Variants in NR4A1 observed in about 807,000 individuals in gnomAD.
NR4A1 encodes nuclear receptor subfamily 4immunitygroup A member 1.
A neutral mutation model predicts 47.5 loss-of-function variants in NR4A1; 24 were observed. The ratio of observed to expected loss-of-function variants is 0.50; its 90% CI spans 0.37 to 0.71. The LOEUF is 0.71. Ranked by LOEUF, NR4A1 falls within the 30% of genes least tolerant of loss-of-function variation. The pLI is 0.00. For synonymous variants in NR4A1, 353 were observed against 345.7 expected (o/e 1.02, Z -0.24); for missense variants, 669 against 788.6 (o/e 0.85, Z 1.82).
intron 1 of NR4A1, among the ~76,000 whole-genome samples, chr12:52,035,217 G>A (rs1182162101): frequency 6.6e-6 from 1 of 152,128 alleles, no homozygotes; most frequent in Non-Finnish European, 1.5e-5. Context: ...ATCTCACGCC[G>A]CCTCCACATG....
upstream of NR4A1, among the ~76,000 whole-genome samples, chr12:52,050,606 G>A (rs1938872957): frequency 6.6e-6 from 1 of 152,242 alleles, no homozygotes; most frequent in Non-Finnish European, 1.5e-5. Context: ...GCGAAACCAA[G>A]TTCAGCTTGT....
upstream of NR4A1, chr12:52,051,307 C>T (rs923465511): frequency 4.3e-6 from 3 of 699,416 alleles, no homozygotes; most frequent in Middle Eastern, 6.9e-4. Flanking sequence ...TCCCCCTGGC[C>T]GCCTCCCGCC....
chr12:52,049,674 A>G (rs188184452), upstream of NR4A1, among the ~76,000 whole-genome samples: 298 of 152,330 alleles, frequency 2.0e-3, 1 homozygote, highest in African/African-American at 6.4e-3. Context: ...AAAACAAAAC[A>G]AAAACGGGGA....
intron 1 of NR4A1, among the ~76,000 whole-genome samples, chr12:52,032,188 G>A (rs894386762): frequency 1.3e-5 from 2 of 152,200 alleles, no homozygotes; most frequent in African/African-American, 4.8e-5. Context: ...TTCTGGAAGA[G>A]ATTAGTATTT....
At chr12:52,052,650 G>T in intron 1 of NR4A1, 1 of 985,508 alleles carries the variant, frequency 1.0e-6, no homozygotes, top group Non-Finnish European at 1.2e-6. Flanking sequence ...CTAGATGTAG[G>T]TCCATATCTT....
In NR4A1 at chr12:52,059,342, C is replaced by G. The variant is rs866659865; in HGVS notation, c.*398C>G. On this transcript the variant is annotated 3_prime_UTR_variant, in exon 7 of 7. Transcript: ENST00000394825. ...CTTTCCAGCCTCCTGCTGGCTCTCTCTTCCTACCCTCCTTCCACATGTACA... is the reference window on the plus strand; with the variant it reads ...CTTTCCAGCCTCCTGCTGGCTCTCTGTTCCTACCCTCCTTCCACATGTACA... The G allele has an allele frequency of 5.4e-6, 1 of 184,372 alleles. No homozygotes were observed. The highest frequency in any genetic ancestry group is 2.3e-5 in the African/African-American group (1 of 42,824). 11.4% of individuals were successfully genotyped at this position (184,372 alleles called of 1,614,324 possible). A position where few individuals can be genotyped will look rare whatever the true frequency, so the allele number is the denominator to read the frequency against.
chr12:52,051,086 G>C (rs1237369355), upstream of NR4A1, among the ~76,000 whole-genome samples: 1 of 152,172 alleles, frequency 6.6e-6, no homozygotes, highest in East Asian at 1.9e-4. Flanking sequence ...TTCTGGACCT[G>C]GGGGCCCCCA....
chr12:52,034,568 A>G (rs1218723025), intron 1 of NR4A1, among the ~76,000 whole-genome samples: 2 of 152,216 alleles, frequency 1.3e-5, no homozygotes, highest in Non-Finnish European at 2.9e-5. Flanking sequence ...TGAAGGAACA[A>G]GAGGCTGGGT....
chr12:52,041,889 G>A (rs560728359), exon 2 of NR4A1: 5 of 1,530,734 alleles, frequency 3.3e-6, no homozygotes, highest in East Asian at 2.3e-5. Context: ...AGGCAGACGG[G>A]ATAATGTGGT....
In NR4A1 at chr12:52,056,024, A is replaced by G; in HGVS notation, c.877-6A>G. Reference sequence around the variant, plus strand: ...ACAGCTTGTTCCGTGTTGCCCCCCCACCCAGCGCACAGTGCAGAAAAACGC... The same window carrying G: ...ACAGCTTGTTCCGTGTTGCCCCCCCGCCCAGCGCACAGTGCAGAAAAACGC... On this transcript the variant is annotated splice_polypyrimidine_tract_variant and splice_region_variant and intron_variant, in intron 2 of 6. Coordinates refer to ENST00000394825, the MANE Select transcript of NR4A1 (RefSeq NM_173157.3). 1.0e-6 allele frequency: 1 copy of G among 1,001,840 alleles called. No homozygotes were observed. The highest frequency in any genetic ancestry group is 1.2e-6 in the Non-Finnish European group (1 of 837,122). 62.1% of individuals were successfully genotyped at this position (1,001,840 alleles called of 1,614,324 possible).
At chr12:52,033,139 G>A (rs1470326099) in intron 1 of NR4A1, among the ~76,000 whole-genome samples, 1 of 152,182 alleles carries the variant, frequency 6.6e-6, no homozygotes, top group East Asian at 1.9e-4. Flanking sequence ...GGCTCCCTCC[G>A]GACTGGCTAG....
chr12:52,057,027 G>C, intron 4 of NR4A1, 30 bp from the exon 5 acceptor site: 1 of 1,555,812 alleles, frequency 6.4e-7, no homozygotes, highest in African/African-American at 1.4e-5. Flanking sequence ...GCCTGCCTGG[G>C]GTGCTGACCC....
chr12:52,048,214 G>A (rs899997297), upstream of NR4A1, among the ~76,000 whole-genome samples: 5 of 151,952 alleles, frequency 3.3e-5, no homozygotes, highest in African/African-American at 9.7e-5. Flanking sequence ...AGCACAGACT[G>A]GTCAAGCCAC....
upstream of NR4A1, chr12:52,051,414 T>C (rs1938931803): frequency 2.0e-6 from 2 of 985,334 alleles, no homozygotes; most frequent in Non-Finnish European, 2.4e-6. Context: ...CACGGAGCGC[T>C]TAAGAGGAGG....
chr12:52,028,768 G>A (rs1401708516), intron 1 of NR4A1, among the ~76,000 whole-genome samples: 1 of 152,010 alleles, frequency 6.6e-6, no homozygotes, highest in Non-Finnish European at 1.5e-5. Flanking sequence ...GCTGGGCGTG[G>A]TGGTGGGCGC....
rs749928986 is a variant in NR4A1 at position 52,054,839 on chromosome 12, C to T, written c.511C>T (p.Arg171Trp). ...GCCCAGCCAGACTTACGAAGGCCTG[C>T]GGGCATGGACAGAGCAGCTGCCCAA... ...FSPSQTYEGL[R>W]AWTEQLPKAS... The change falls in exon 2 of 7, where the codon CGG becomes TGG. Residue 171 changes from arginine to tryptophan, a missense_variant. Physicochemically the swap from Arg to Trp is moderately radical, Grantham distance 101. Coordinates refer to ENST00000394825, the MANE Select transcript of NR4A1 (RefSeq NM_173157.3). 29 of 1,613,674 alleles carry T rather than the reference C, an allele frequency of 1.8e-5. 1 individual carries two copies. Among genetic ancestry groups the T allele is most frequent in the South Asian group, 1.8e-4 (16 of 91,094 alleles).
intron 2 of NR4A1, chr12:52,043,478 C>T (rs935220585): frequency 2.7e-5 from 7 of 255,312 alleles, no homozygotes; most frequent in East Asian, 1.1e-4. Context: ...GGCTGCCAAC[C>T]GGGGCCCCAT....
chr12:52,023,808 T>C (rs1024101047), intron 1 of NR4A1, among the ~76,000 whole-genome samples: 1 of 152,154 alleles, frequency 6.6e-6, no homozygotes, highest in Non-Finnish European at 1.5e-5. Flanking sequence ...GGCTCCCCGC[T>C]GCAAAGGGGC....
intron 1 of NR4A1, among the ~76,000 whole-genome samples, chr12:52,026,582 A>C (rs541587314): frequency 6.6e-6 from 1 of 152,262 alleles, no homozygotes; most frequent in Non-Finnish European, 1.5e-5. Flanking sequence ...AGGCCCGGAC[A>C]GCTTAAGTGA....
Sources: allele counts gnomAD v4.1 joint callset (sites outside exome capture counted in the v4.1 genomes callset), GRCh38; gene constraint gnomAD v4.1.1; transcripts MANE v1.5; gene names NCBI Gene and HGNC (gene_info 2026-07-23, HGNC 2026-07-21).